LSAMP: variants seen among roughly 807,000 people sequenced by gnomAD.
LSAMP encodes limbic system-associated membrane protein.
In LSAMP, 7 loss-of-function variants were observed where a neutral mutation model predicts 38.6. The ratio of observed to expected loss-of-function variants is 0.18; its 90% CI spans 0.10 to 0.34. The LOEUF (loss-of-function observed/expected upper bound fraction) is 0.34, where lower values mean the gene tolerates loss of function less well. LSAMP is among the 10% of genes least tolerant of loss of function. The pLI, the probability that LSAMP is intolerant of heterozygous loss-of-function variation, is 1.00. For synonymous variants in LSAMP, 154 were observed against 166.8 expected (o/e 0.92, Z 0.59); for missense variants, 313 against 420.0 (o/e 0.75, Z 2.23).
intron 1 of LSAMP, among the ~76,000 whole-genome samples, chr3:116,128,568 G>A (rs1463277160): frequency 6.6e-6 from 1 of 152,194 alleles, no homozygotes; most frequent in Non-Finnish European, 1.5e-5. Flanking sequence ...TGCATCACAT[G>A]ATAGAATGGA....
chr3:116,343,356 C>T (rs2048022197), intron 1 of LSAMP, among the ~76,000 whole-genome samples: 1 of 152,046 alleles, frequency 6.6e-6, no homozygotes, highest in South Asian at 2.1e-4. Flanking sequence ...AAAAACCCAC[C>T]CTAGATCTGC....
At chr3:116,263,259 T>G (rs984114363) in intron 1 of LSAMP, among the ~76,000 whole-genome samples, 2 of 152,138 alleles carry the variant, frequency 1.3e-5, no homozygotes, top group African/African-American at 4.8e-5. Flanking sequence ...AGGATGGGGC[T>G]GGGTGCGGTG....
rs531887516 is a variant in LSAMP at position 115,962,679 on chromosome 3, A to G, written c.514+56836T>C. On this transcript the variant is annotated intron_variant, in intron 3 of 6. Transcript: ENST00000490035. The stretch of plus-strand genomic sequence containing the variant: ...TTATTCACTTTTCAACTTTTAGGTT[A>G]CTCCTTGGAAAATTGTGCCAAAGTG... Among the ~76,000 whole-genome samples the G allele has an allele frequency of 1.1e-4, 17 of 152,344 alleles. No individual in the cohort carries two copies. In the East Asian group the frequency reaches 3.3e-3, roughly 29 times the overall value.
intron 2 of LSAMP, among the ~76,000 whole-genome samples, chr3:116,080,407 T>C (rs1707846831): frequency 2.6e-5 from 4 of 152,190 alleles, no homozygotes; most frequent in Admixed American, 2.6e-4. Context: ...CAGTTTAGAT[T>C]AGAAAGTATG....
intron 6 of LSAMP, among the ~76,000 whole-genome samples, chr3:115,831,860 T>G (rs1298644488): frequency 6.6e-6 from 1 of 152,114 alleles, no homozygotes; most frequent in Non-Finnish European, 1.5e-5. Flanking sequence ...AGCAAGCTGG[T>G]TTTATATTTT....
At chr3:116,076,479 A>G (rs1157111504) in intron 2 of LSAMP, among the ~76,000 whole-genome samples, 2 of 151,992 alleles carry the variant, frequency 1.3e-5, no homozygotes, top group African/African-American at 4.8e-5. Flanking sequence ...GGATGGTCTC[A>G]ATCTCATGAC....
chr3:116,055,769 C>T (rs553389974), intron 2 of LSAMP, among the ~76,000 whole-genome samples: 59 of 152,272 alleles, frequency 3.9e-4, no homozygotes, highest in African/African-American at 1.4e-3. Context: ...ATTCCATATG[C>T]TTTCTTTGTA....
At chr3:116,393,077 A>G (rs2048724959) in intron 1 of LSAMP, among the ~76,000 whole-genome samples, 1 of 152,152 alleles carries the variant, frequency 6.6e-6, no homozygotes, top group Non-Finnish European at 1.5e-5. Context: ...GTCTGCATAT[A>G]TCATGCTTCC....
At chr3:116,225,023 C>A (rs1388719873) in intron 1 of LSAMP, among the ~76,000 whole-genome samples, 1 of 152,100 alleles carries the variant, frequency 6.6e-6, no homozygotes, top group Non-Finnish European at 1.5e-5. Context: ...AGGAATTTGA[C>A]AAGAATGTCA....
intron 3 of LSAMP, among the ~76,000 whole-genome samples, chr3:115,906,733 G>A (rs1310577754): frequency 6.6e-6 from 1 of 152,114 alleles, no homozygotes; most frequent in Non-Finnish European, 1.5e-5. Context: ...CACACAGCAG[G>A]TGCCCATTGA....
chr3:115,830,502 G>A (rs973199392), intron 6 of LSAMP, among the ~76,000 whole-genome samples: 4 of 152,188 alleles, frequency 2.6e-5, no homozygotes, highest in African/African-American at 9.7e-5. Context: ...TCATTAAAAA[G>A]TGTGGGAGAA....
intron 1 of LSAMP, among the ~76,000 whole-genome samples, chr3:116,269,945 ATG>A (rs1269245393): frequency 1.3e-5 from 2 of 152,142 alleles, no homozygotes; most frequent in Non-Finnish European, 2.9e-5. Flanking sequence ...TAATAAATGA[ATG>A]TGTGTCTACA....
intron 1 of LSAMP, among the ~76,000 whole-genome samples, chr3:116,339,133 A>C (rs1009511309): frequency 6.6e-6 from 1 of 152,138 alleles, no homozygotes; most frequent in East Asian, 1.9e-4. Flanking sequence ...TTAAAAGCAG[A>C]GGCCAGGGAA....
intron 1 of LSAMP, among the ~76,000 whole-genome samples, chr3:116,225,916 G>A (rs1403835328): frequency 6.6e-6 from 1 of 151,972 alleles, no homozygotes; most frequent in African/African-American, 2.4e-5. Context: ...TAAAAGAAAA[G>A]CTTTAAACCT....
intron 1 of LSAMP, among the ~76,000 whole-genome samples, chr3:116,143,939 T>C (rs1276954701): frequency 6.6e-6 from 1 of 151,998 alleles, no homozygotes; most frequent in East Asian, 1.9e-4. Context: ...TTCTAGACTC[T>C]CTTTAGTGCC....
At chr3:116,139,900 G>C (rs756271103) in intron 1 of LSAMP, among the ~76,000 whole-genome samples, 14 of 151,896 alleles carry the variant, frequency 9.2e-5, no homozygotes, top group African/African-American at 2.2e-4. Flanking sequence ...CTTGTCTGTG[G>C]TTCTTGTAGA....
At chr3:116,272,926 A>G (rs1450437200) in intron 1 of LSAMP, among the ~76,000 whole-genome samples, 1 of 152,148 alleles carries the variant, frequency 6.6e-6, no homozygotes, top group African/African-American at 2.4e-5. Context: ...GGGCATAAAT[A>G]ACCTTTCAGA....
intron 1 of LSAMP, among the ~76,000 whole-genome samples, chr3:116,173,248 T>G (rs1386711993): frequency 1.3e-5 from 2 of 152,042 alleles, no homozygotes; most frequent in Admixed American, 1.3e-4. Flanking sequence ...CTGTCCTGGA[T>G]GCAAGCATGG....
At chr3:116,048,674 G>A (rs758954345) in intron 2 of LSAMP, among the ~76,000 whole-genome samples, 69 of 152,260 alleles carry the variant, frequency 4.5e-4, no homozygotes, top group Non-Finnish European at 7.4e-4. Flanking sequence ...TACTTATTAC[G>A]TATTAGAAAC....
Sources: gnomAD v4.1 joint callset for allele counts (sites outside exome capture counted in the v4.1 genomes callset) on GRCh38, gnomAD v4.1.1 for gene constraint, MANE v1.5 for transcripts, NCBI Gene and HGNC (gene_info 2026-07-23, HGNC 2026-07-21) for gene names.